The following SEMA6A variants were observed in gnomAD, a reference collection of about 807,000 sequenced individuals.
The protein encoded by SEMA6A is semaphorin-6A.
SEMA6A carries 25 observed loss-of-function variants against 96.8 expected under a neutral mutation model. The ratio of observed to expected loss-of-function variants is 0.26; its 90% CI spans 0.19 to 0.36. The LOEUF is 0.36. Ranked by LOEUF, SEMA6A falls within the 10% of genes least tolerant of loss-of-function variation. The pLI, the probability that SEMA6A is intolerant of heterozygous loss-of-function variation, is 1.00. For synonymous variants in SEMA6A, 612 were observed against 518.0 expected, an observed-to-expected ratio of 1.18 and a Z score of -2.46; for missense variants, 1,363 against 1,323.1, an observed-to-expected ratio of 1.03 and a Z score of -0.47.
chr5:116,454,654 G>T (rs1036192064), intron 18 of SEMA6A, among the ~76,000 whole-genome samples: 2 of 152,144 alleles, frequency 1.3e-5, no homozygotes, highest in African/African-American at 2.4e-5. Context: ...AACTCTCTGT[G>T]GTTATCTGGG....
rs766826478 is a variant in SEMA6A, at chr5:116,497,423, C to G, written c.219-36G>C. ...AGAAAAATTAATACAAGGTCAAACA[C>G]AGAGTCAAAACAGTTCATTTTCTGC... is the stretch of plus-strand genomic sequence containing the variant. On this transcript the variant is annotated intron_variant, in intron 3 of 18. Transcript: ENST00000343348. 9.7e-6 allele frequency: 13 copies of G among 1,334,002 alleles called. No individual in the cohort carries two copies. The African/African-American group carries it at 1.4e-4, about 15-fold the overall frequency. The allele number at this position is 1,334,002 out of a possible 1,614,324, so 82.6% of individuals were successfully genotyped here. A position where few individuals can be genotyped will look rare whatever the true frequency, so the allele number is the denominator to read the frequency against.
At chr5:116,500,787 T>A (rs1192500303) in intron 3 of SEMA6A, among the ~76,000 whole-genome samples, 1 of 152,066 alleles carries the variant, frequency 6.6e-6, no homozygotes, top group African/African-American at 2.4e-5. Context: ...GGTGGACCAC[T>A]TGAAGGTCAG....
chr5:116,446,604 C>T lies in SEMA6A; in HGVS notation c.*9G>A. 6.8e-7 allele frequency: 1 copy of T among 1,469,250 alleles called. No individual in the cohort carries two copies. The highest frequency in any genetic ancestry group is 9.0e-7 in the Non-Finnish European group (1 of 1,107,728). The allele number at this position is 1,469,250 out of a possible 1,614,324, so 91.0% of individuals were successfully genotyped here. A position where few individuals can be genotyped will look rare whatever the true frequency, so the allele number is the denominator to read the frequency against. On this transcript the variant is annotated 3_prime_UTR_variant, in exon 19 of 19. Coordinates refer to ENST00000343348, the MANE Select transcript of SEMA6A (RefSeq NM_020796.5). ...TGCTGGTTCGACACCTGACCCCCTC[C>T]CCCTGGGATTATGTACACGCATCAT... is the stretch of plus-strand genomic sequence containing the variant.
chr5:116,486,636 C>T (rs1757062289), intron 10 of SEMA6A, 113 bp downstream of exon 10: 2 of 829,868 alleles, frequency 2.4e-6, no homozygotes, highest in Non-Finnish European at 3.9e-6. Context: ...CTTAGCTACA[C>T]ACAATGAATG....
intron 18 of SEMA6A, among the ~76,000 whole-genome samples, chr5:116,448,457 C>T (rs188531743): frequency 3.9e-5 from 6 of 152,246 alleles, no homozygotes; most frequent in Admixed American, 2.0e-4. Context: ...ATCTTTCTTT[C>T]CTTCTTTATG....
At chr5:116,503,347 C>A (rs139552024) in intron 2 of SEMA6A, among the ~76,000 whole-genome samples, 6 of 152,246 alleles carry the variant, frequency 3.9e-5, no homozygotes, top group Admixed American at 3.9e-4. Context: ...ATTTTATTTA[C>A]AAGGGAGCTT....
At chr5:116,455,985 A>C (rs750958230) in intron 18 of SEMA6A, among the ~76,000 whole-genome samples, 15 of 152,220 alleles carry the variant, frequency 9.9e-5, no homozygotes, top group Non-Finnish European at 2.2e-4. Flanking sequence ...GTTAATGCTC[A>C]ATTAATAATG....
At chr5:116,516,846 C>T (rs1297170208) in intron 1 of SEMA6A, among the ~76,000 whole-genome samples, 1 of 152,218 alleles carries the variant, frequency 6.6e-6, no homozygotes, top group Non-Finnish European at 1.5e-5. Flanking sequence ...CACTTGATGA[C>T]TTGACTCCTT....
intron 17 of SEMA6A, among the ~76,000 whole-genome samples, chr5:116,470,873 C>CATACAATTTCTTGT (rs1156424392): frequency 6.6e-6 from 1 of 152,158 alleles, no homozygotes; most frequent in Non-Finnish European, 1.5e-5. Context: ...TTGTCTATAT[C>CATACAATTTCTTGT]CATGCTCATA....
intron 1 of SEMA6A, among the ~76,000 whole-genome samples, chr5:116,512,714 A>C (rs57671703): frequency 0.096 from 14,438 of 151,120 alleles, 768 homozygotes; most frequent in African/African-American, 0.12. Flanking sequence ...CCAAACACAC[A>C]GCCCTGAGCC....
intron 1 of SEMA6A, among the ~76,000 whole-genome samples, chr5:116,527,029 C>G (rs1040477103): frequency 6.6e-6 from 1 of 152,034 alleles, no homozygotes; most frequent in Non-Finnish European, 1.5e-5. Context: ...AATCTGTGAC[C>G]TTAATATTAC....
intron 1 of SEMA6A, among the ~76,000 whole-genome samples, chr5:116,565,679 G>A (rs1760997168): frequency 6.6e-6 from 1 of 152,166 alleles, no homozygotes; most frequent in African/African-American, 2.4e-5. Flanking sequence ...TTAATAGAAT[G>A]GTTTTCCACC....
At chr5:116,475,448 C>T in intron 16 of SEMA6A, 97 bp downstream of exon 16, 1 of 753,354 alleles carries the variant, frequency 1.3e-6, no homozygotes, top group South Asian at 1.9e-5. Flanking sequence ...GCTTTAGTGT[C>T]AGCTGCACTC....
At chr5:116,501,583 C>T (rs1218404728) in intron 3 of SEMA6A, among the ~76,000 whole-genome samples, 1 of 152,162 alleles carries the variant, frequency 6.6e-6, no homozygotes, top group Non-Finnish European at 1.5e-5. Flanking sequence ...ACACATTCAC[C>T]TTAATTTAAC....
At chr5:116,566,517 C>T (rs1241061599) in intron 1 of SEMA6A, among the ~76,000 whole-genome samples, 2 of 152,188 alleles carry the variant, frequency 1.3e-5, no homozygotes, top group Non-Finnish European at 2.9e-5. Flanking sequence ...CACACTCTTT[C>T]CATTCTGTTT....
At chr5:116,471,489 C>A (rs1756141983) in intron 17 of SEMA6A, 1 of 152,130 alleles carries the variant, frequency 6.6e-6, no homozygotes, top group Admixed American at 6.6e-5. Flanking sequence ...GAAATGATCG[C>A]AAAGTATCAT....
intron 1 of SEMA6A, chr5:116,550,009 C>G (rs1338447704): frequency 6.6e-6 from 1 of 152,080 alleles, no homozygotes; most frequent in Non-Finnish European, 1.5e-5. Flanking sequence ...AGTGATGGAT[C>G]CTAACCTTGT....
intron 1 of SEMA6A, among the ~76,000 whole-genome samples, chr5:116,544,676 A>G (rs1038080139): frequency 2.0e-5 from 3 of 152,172 alleles, no homozygotes; most frequent in African/African-American, 7.2e-5. Flanking sequence ...TTTCTAGTCA[A>G]TGTTTCTCTA....
At chr5:116,518,283 C>T (rs879435867) in intron 1 of SEMA6A, among the ~76,000 whole-genome samples, 9 of 152,050 alleles carry the variant, frequency 5.9e-5, no homozygotes, top group Non-Finnish European at 1.2e-4. Flanking sequence ...CAGACAACAA[C>T]GTAATCAATT....
Sources: allele counts gnomAD v4.1 joint callset (sites outside exome capture counted in the v4.1 genomes callset), GRCh38; gene constraint gnomAD v4.1.1; transcripts MANE v1.5; gene names NCBI Gene and HGNC (gene_info 2026-07-23, HGNC 2026-07-21).